CTNNA3: variants seen among roughly 807,000 people sequenced by gnomAD.
CTNNA3 encodes catenin alpha 3, also known as catenin alpha-3.
A neutral mutation model predicts 95.7 loss-of-function variants in CTNNA3; 76 were observed. The observed-to-expected ratio is 0.79, with a 90% confidence interval of 0.66 to 0.96. The LOEUF (loss-of-function observed/expected upper bound fraction) is 0.96, where lower values mean the gene tolerates loss of function less well. CTNNA3 is among the 40% of genes least tolerant of loss of function. The pLI is 0.00. For synonymous variants in CTNNA3, 431 were observed against 374.4 expected (o/e 1.15, Z -1.74); for missense variants, 1,191 against 1,089.8 (o/e 1.09, Z -1.31).
intron 10 of CTNNA3, among the ~76,000 whole-genome samples, chr10:66,577,464 A>G (rs1422246518): frequency 1.3e-5 from 2 of 151,968 alleles, no homozygotes; most frequent in Admixed American, 6.6e-5. Flanking sequence ...TTTTAGTTCT[A>G]CTTTTAAGTT....
intron 9 of CTNNA3, among the ~76,000 whole-genome samples, chr10:66,680,793 T>C (rs758588904): frequency 6.6e-6 from 1 of 152,056 alleles, no homozygotes; most frequent in Non-Finnish European, 1.5e-5. Flanking sequence ...ATACGTAGCA[T>C]GAACAAAGCT....
At chr10:66,330,713 C>T (rs1272362310) in intron 12 of CTNNA3, among the ~76,000 whole-genome samples, 1 of 152,094 alleles carries the variant, frequency 6.6e-6, no homozygotes, top group African/African-American at 2.4e-5. Flanking sequence ...CCTATTCCTC[C>T]ACATCCTCTC....
At chr10:66,067,246 T>C (rs1447830768) in intron 15 of CTNNA3, among the ~76,000 whole-genome samples, 1 of 152,210 alleles carries the variant, frequency 6.6e-6, no homozygotes, top group East Asian at 1.9e-4. Flanking sequence ...AGTCATACAA[T>C]AATTTTCCTA....
At chr10:67,680,554 C>T (rs1159797853) in intron 1 of CTNNA3, among the ~76,000 whole-genome samples, 1 of 152,148 alleles carries the variant, frequency 6.6e-6, no homozygotes, top group African/African-American at 2.4e-5. Context: ...GTATCACTGT[C>T]CAATCTTCCC....
At chr10:67,640,107 A>G (rs1839475842) in intron 2 of CTNNA3, among the ~76,000 whole-genome samples, 1 of 152,188 alleles carries the variant, frequency 6.6e-6, no homozygotes, top group African/African-American at 2.4e-5. Flanking sequence ...AGAAAACCCC[A>G]TTGTCTCAGC....
intron 1 of CTNNA3, among the ~76,000 whole-genome samples, chr10:67,663,605 C>T (rs1043878204): frequency 6.7e-6 from 1 of 148,164 alleles, no homozygotes; most frequent in Non-Finnish European, 1.5e-5. Context: ...TTGGGCAGGA[C>T]GTCAGAGGAC....
At chr10:67,247,725 G>A (rs1865954419) in intron 5 of CTNNA3, among the ~76,000 whole-genome samples, 2 of 152,014 alleles carry the variant, frequency 1.3e-5, no homozygotes, top group South Asian at 4.2e-4. Flanking sequence ...TTGAAACAAA[G>A]AGCAATGTTG....
At chr10:67,226,462 A>G (rs1172446003) in intron 5 of CTNNA3, among the ~76,000 whole-genome samples, 1 of 152,212 alleles carries the variant, frequency 6.6e-6, no homozygotes, top group Admixed American at 6.5e-5. Context: ...GAATCTTAAG[A>G]GCTGTGAGAC....
At chr10:67,726,403 T>G (rs867118292) in intron 1 of CTNNA3, among the ~76,000 whole-genome samples, 8 of 37,526 alleles carry the variant, frequency 2.1e-4, no homozygotes, top group East Asian at 2.1e-3. Flanking sequence ...TATTATATAT[T>G]ATATCATATA....
chr10:66,814,766 T>C (rs1564700403), intron 7 of CTNNA3, among the ~76,000 whole-genome samples: 1 of 150,482 alleles, frequency 6.6e-6, no homozygotes, highest in East Asian at 1.9e-4. Flanking sequence ...TATCTCAAAT[T>C]AAATAAATAA....
intron 13 of CTNNA3, among the ~76,000 whole-genome samples, chr10:66,147,774 AGTATGTATAGTAT>A (rs1050348823): frequency 2.1e-5 from 1 of 46,960 alleles, no homozygotes; most frequent in Non-Finnish European, 4.1e-5. Flanking sequence ...TGTTTAGTAT[AGTATGTATAGTAT>A]GTATGTATAG....
At chr10:66,542,160 A>G (rs1162957830) in intron 10 of CTNNA3, among the ~76,000 whole-genome samples, 4 of 152,316 alleles carry the variant, frequency 2.6e-5, no homozygotes, top group Non-Finnish European at 5.9e-5. Flanking sequence ...ACTGGCCATG[A>G]GAGAAATGCA....
At chr10:67,047,158 CT>C (rs1564853287) in intron 7 of CTNNA3, among the ~76,000 whole-genome samples, 1 of 152,172 alleles carries the variant, frequency 6.6e-6, no homozygotes, top group African/African-American at 2.4e-5. Flanking sequence ...TATAGAATCT[CT>C]AGTACAATGC....
intron 11 of CTNNA3, among the ~76,000 whole-genome samples, chr10:66,432,486 A>G (rs1037559014): frequency 2.0e-5 from 3 of 151,960 alleles, no homozygotes; most frequent in Non-Finnish European, 4.4e-5. Flanking sequence ...GTGAAACCCC[A>G]TCTCTACTAA....
chr10:66,144,688 A>C (rs751735230), intron 13 of CTNNA3, among the ~76,000 whole-genome samples: 27 of 152,184 alleles, frequency 1.8e-4, no homozygotes, highest in Middle Eastern at 3.4e-3. Context: ...GGGTTTCTCC[A>C]TGTTGGTCAG....
At chr10:67,330,916 C>T (rs1301993675) in intron 5 of CTNNA3, among the ~76,000 whole-genome samples, 1 of 152,160 alleles carries the variant, frequency 6.6e-6, no homozygotes, top group South Asian at 2.1e-4. Flanking sequence ...TTCAAAATCC[C>T]TCCCCACTAA....
intron 13 of CTNNA3, among the ~76,000 whole-genome samples, chr10:66,253,012 G>T (rs1179063373): frequency 6.6e-6 from 1 of 152,158 alleles, no homozygotes; most frequent in African/African-American, 2.4e-5. Context: ...TTAGTGGATT[G>T]CACACAGAAT....
chr10:67,760,507 G>A (rs1841456637), intron 1 of CTNNA3, among the ~76,000 whole-genome samples: 1 of 152,068 alleles, frequency 6.6e-6, no homozygotes, highest in Admixed American at 6.6e-5. Context: ...ACATTATAGA[G>A]TGCACTTACA....
chr10:66,067,392 G>C (rs2080335197), intron 15 of CTNNA3, among the ~76,000 whole-genome samples: 1 of 152,070 alleles, frequency 6.6e-6, no homozygotes, highest in Admixed American at 6.5e-5. Flanking sequence ...ACCCCACTCA[G>C]TCTATTAACA....
Sources: allele counts gnomAD v4.1 joint callset (sites outside exome capture counted in the v4.1 genomes callset), GRCh38; gene constraint gnomAD v4.1.1; transcripts MANE v1.5; gene names NCBI Gene and HGNC (gene_info 2026-07-23, HGNC 2026-07-21).